MYH14: variants seen among roughly 807,000 people sequenced by gnomAD.
MYH14 encodes myosin heavy chain 14.
A neutral mutation model predicts 255.5 loss-of-function variants in MYH14; 123 were observed. The ratio of observed to expected loss-of-function variants is 0.48; its 90% CI spans 0.42 to 0.56. The LOEUF is 0.56. Among genes scored for constraint, MYH14 ranks in the 20% least tolerant of loss-of-function variants. The pLI, the probability that MYH14 is intolerant of heterozygous loss-of-function variation, is 0.00. For missense variants in MYH14, 2,423 were observed against 2,802.3 expected (o/e 0.86, Z 3.06); for synonymous variants, 1,095 against 1,161.2 (o/e 0.94, Z 1.16).
In MYH14 at chr19:50,280,761, C is replaced by T. The variant is rs73586292; in HGVS notation, c.4290+378C>T. ...CCCTCCTCTGCTCACAGCTCTCCCA[C>T]GCCTCCCCAGTACTCCTAGACAAAG... On this transcript the variant is annotated intron_variant, in intron 32 of 42. Coordinates refer to ENST00000642316, the MANE Select transcript of MYH14 (RefSeq NM_001145809.2). This position sits in a 1 kb window ranked among gnomAD's most constrained non-coding sequence, Gnocchi z 4.8. Among the ~76,000 whole-genome samples the T allele has an allele frequency of 0.011, 1,731 of 152,332 alleles. 34 individuals carry two copies. Among genetic ancestry groups the T allele is most frequent in the African/African-American group, 0.039 (1,638 of 41,568 alleles).
chr19:50,209,562 A>G (rs1324250024), intron 1 of MYH14, among the ~76,000 whole-genome samples: 1 of 152,098 alleles, frequency 6.6e-6, no homozygotes, highest in Non-Finnish European at 1.5e-5. Context: ...AGGCGGGCAG[A>G]TCACCAGGTC....
chr19:50,243,743 G>A (rs540772942), intron 10 of MYH14, among the ~76,000 whole-genome samples: 9 of 152,298 alleles, frequency 5.9e-5, no homozygotes, highest in Middle Eastern at 3.4e-3. Context: ...TTGTTTGTTT[G>A]CCTCCTGTTT....
intron 40 of MYH14, among the ~76,000 whole-genome samples, chr19:50,304,451 G>A (rs2036590740): frequency 6.6e-6 from 1 of 152,134 alleles, no homozygotes. Context: ...TTAGCCGGGA[G>A]TAGTAATGGA....
rs753913288 is a variant in MYH14, at chr19:50,280,127, C to A, written c.4123C>A (p.Leu1375Met). The A allele has an allele frequency of 1.2e-6, 2 of 1,604,644 alleles. No homozygotes were observed. The highest frequency in any genetic ancestry group is 3.4e-5 in the Admixed American group (2 of 58,614). Reference protein sequence around the residue: ...SKELSSTEAQLHDAQELLQEE... With the variant: ...SKELSSTEAQMHDAQELLQEE... ...GGAGCTGAGCAGCACAGAAGCCCAG[C>A]TGCACGATGCCCAGGTGACCCTGCC... Residue 1375 changes from leucine (L) to methionine (M), a missense_variant, in exon 31 of 43, where the codon CTG becomes ATG. Coordinates refer to ENST00000642316, the MANE Select transcript of MYH14 (RefSeq NM_001145809.2). The surrounding 1 kb of genome is among the most constrained non-coding windows in gnomAD (Gnocchi z 4.8).
chr19:50,293,041 G>T lies in MYH14; in HGVS notation c.5257-192G>T, dbSNP rs947734721. On this transcript the variant is annotated intron_variant, in intron 37 of 42. Transcript: ENST00000642316. This position sits in a 1 kb window ranked among gnomAD's most constrained non-coding sequence, Gnocchi z 4.1. The stretch of plus-strand genomic sequence containing the variant: ...GGGGCCTGGGGGTTGGGCTGCAAGA[G>T]GTGAGCACAGGTCAGGGGCTCAGGA... 6.6e-6 allele frequency among the ~76,000 whole-genome samples: 1 copy of T among 152,052 alleles called. No individual in the cohort carries two copies. The highest frequency in any genetic ancestry group is 1.5e-5 in the Non-Finnish European group (1 of 67,986).
chr19:50,232,521 G>A (rs2033449062), intron 10 of MYH14, among the ~76,000 whole-genome samples: 1 of 149,988 alleles, frequency 6.7e-6, no homozygotes, highest in Non-Finnish European at 1.5e-5. Context: ...TTGAACCCAG[G>A]AGGCGGAGGT....
chr19:50,276,130 G>A lies in MYH14; in HGVS notation c.3607G>A (p.Gly1203Ser), dbSNP rs2035498928. ...TKAEKQRRDL[G>S]EELEALRGEL... ...GGCGGAGAAGCAGCGCCGGGACCTG[G>A]GCGAGGAGCTGGAGGCGCTGCGGGG... Residue 1203 changes from glycine to serine, a missense_variant, in exon 28 of 43, where the codon GGC (glycine) becomes AGC (serine). By Grantham distance (56) the Gly-to-Ser change is moderately conservative (BLOSUM62 0). Coordinates refer to ENST00000642316, the MANE Select transcript of MYH14 (RefSeq NM_001145809.2). This position sits in a 1 kb window ranked among gnomAD's most constrained non-coding sequence, Gnocchi z 4.3. The A allele has an allele frequency of 6.3e-7, 1 of 1,592,142 alleles. No homozygotes were observed. The highest frequency in any genetic ancestry group is 1.3e-5 in the African/African-American group (1 of 74,524).
chr19:50,260,756 T>TGTGCGCGTGCATGA (rs1555768394), intron 20 of MYH14, 41 bp downstream of exon 20: 2 of 1,470,106 alleles, frequency 1.4e-6, no homozygotes, highest in Non-Finnish European at 1.9e-6. Flanking sequence ...TGCGTGTGTG[T>TGTGCGCGTGCATGA]GTGTGCGTGC....
chr19:50,209,896 G>C (rs1040266507), intron 1 of MYH14, among the ~76,000 whole-genome samples: 2 of 151,180 alleles, frequency 1.3e-5, no homozygotes, highest in Admixed American at 6.6e-5. Flanking sequence ...TCAGGAGTTC[G>C]AGACCAGCCT....
chr19:50,284,113 G>T (rs1038345165), intron 33 of MYH14, among the ~76,000 whole-genome samples: 2 of 151,078 alleles, frequency 1.3e-5, no homozygotes, highest in African/African-American at 4.9e-5. Context: ...CAAAAAAAAA[G>T]AAAGAAGTTA....
chr19:50,223,177 G>T, intron 4 of MYH14, 67 bp downstream of exon 4: 1 of 1,606,524 alleles, frequency 6.2e-7, no homozygotes, highest in Non-Finnish European at 8.5e-7. Context: ...TGTTTGGAAT[G>T]GGCAGGGCAG....
At chr19:50,300,453 A>T (rs921521993) in intron 39 of MYH14, among the ~76,000 whole-genome samples, 3 of 152,248 alleles carry the variant, frequency 2.0e-5, no homozygotes, top group African/African-American at 7.2e-5. Flanking sequence ...TTTATTTCAC[A>T]ATAAAAAGTT....
At chr19:50,241,370 G>A (rs778369385) in intron 10 of MYH14, among the ~76,000 whole-genome samples, 9 of 152,140 alleles carry the variant, frequency 5.9e-5, no homozygotes, top group African/African-American at 1.2e-4. Context: ...AGGAGGCAGA[G>A]GTTGAAGTGA....
intron 10 of MYH14, among the ~76,000 whole-genome samples, chr19:50,241,268 C>T (rs569103459): frequency 6.6e-6 from 1 of 152,210 alleles, no homozygotes; most frequent in East Asian, 1.9e-4. Flanking sequence ...AACCCCGTCT[C>T]TACTAAAAAT....
At chr19:50,309,587 TC>T (rs1242632643) in intron 42 of MYH14, 52 bp from the exon 43 acceptor site, 11 of 879,088 alleles carry the variant, frequency 1.3e-5, no homozygotes, top group Non-Finnish European at 1.8e-5. Flanking sequence ...CCCTTTCTCC[TC>T]CCCTCCCCTC....
rs551297361 is a variant in MYH14, at chr19:50,256,170, T to C, written c.2044+852T>C. On this transcript the variant is annotated intron_variant, in intron 17 of 42. Coordinates refer to ENST00000642316, the MANE Select transcript of MYH14 (RefSeq NM_001145809.2). ...GGTGTGCGCCTGTAGTCCAAACTAC[T>C]TGGGAGGCTGAGGTAGGAAGATCAC... Among the ~76,000 whole-genome samples, 7 of 152,104 alleles carry C rather than the reference T, an allele frequency of 4.6e-5. No individual in the cohort carries two copies. The South Asian group carries it at 1.2e-3, about 27-fold the overall frequency.
intron 11 of MYH14, 142 bp downstream of exon 11, chr19:50,244,479 ATTTTT>A (rs36011027): frequency 0.014 from 6,221 of 429,836 alleles, no homozygotes; most frequent in Admixed American, 0.03. Flanking sequence ...GATTTCCTGC[ATTTTT>A]TTTTTTTTTT....
At chr19:50,289,010 G>C (rs542967835) in intron 34 of MYH14, among the ~76,000 whole-genome samples, 1 of 152,154 alleles carries the variant, frequency 6.6e-6, no homozygotes, top group East Asian at 1.9e-4. Context: ...ACACCCTGGG[G>C]AGTCTGGCAA....
At chr19:50,303,287 G>A (rs566557701) in intron 40 of MYH14, among the ~76,000 whole-genome samples, 1 of 152,028 alleles carries the variant, frequency 6.6e-6, no homozygotes, top group Admixed American at 6.6e-5. Flanking sequence ...AGTGGTATTG[G>A]CTGGGCTTGC....
Sources: gnomAD v4.1 joint callset for allele counts (sites outside exome capture counted in the v4.1 genomes callset) on GRCh38, gnomAD v4.1.1 for gene constraint, Gnocchi (gnomAD v3.1) non-coding constraint, MANE v1.5 for transcripts, NCBI Gene and HGNC (gene_info 2026-07-23, HGNC 2026-07-21) for gene names.